RBM47: variants seen among roughly 807,000 people sequenced by gnomAD.
The protein encoded by RBM47 is RNA-binding protein 47.
RBM47 carries 21 observed loss-of-function variants against 47.1 expected under a neutral mutation model. The observed-to-expected ratio is 0.45, with a 90% CI of 0.32 to 0.64. The LOEUF (loss-of-function observed/expected upper bound fraction) is 0.64, where lower values mean the gene tolerates loss of function less well. Ranked by LOEUF, RBM47 falls within the 30% of genes least tolerant of loss-of-function variation. RBM47 has a pLI of 0.05. For synonymous variants in RBM47, 375 were observed against 361.7 expected (o/e 1.04, Z -0.42); for missense variants, 708 against 870.9 (o/e 0.81, Z 2.35).
chr4:40,537,807 G>A (rs896676118), intron 2 of RBM47, among the ~76,000 whole-genome samples: 4 of 151,712 alleles, frequency 2.6e-5, no homozygotes, highest in Admixed American at 6.6e-5. Flanking sequence ...TAAATTCGGC[G>A]CAATTACTCT....
chr4:40,498,722 G>A (rs1722973702), intron 2 of RBM47, among the ~76,000 whole-genome samples: 1 of 150,158 alleles, frequency 6.7e-6, no homozygotes, highest in Non-Finnish European at 1.5e-5. Context: ...GATGTACGAT[G>A]TGCTAGCTTT....
At chr4:40,480,736 C>G (rs2154241403) in intron 2 of RBM47, among the ~76,000 whole-genome samples, 1 of 152,166 alleles carries the variant, frequency 6.6e-6, no homozygotes, top group East Asian at 1.9e-4. Context: ...TATGGCGATC[C>G]CTTTCTGTCT....
At chr4:40,560,822 C>T (rs900431584) in intron 1 of RBM47, among the ~76,000 whole-genome samples, 2 of 151,936 alleles carry the variant, frequency 1.3e-5, no homozygotes, top group Non-Finnish European at 2.9e-5. Flanking sequence ...AAAAATTACC[C>T]AGGCATGGTG....
chr4:40,480,222 T>C (rs1720199936), intron 2 of RBM47, among the ~76,000 whole-genome samples: 1 of 152,038 alleles, frequency 6.6e-6, no homozygotes, highest in African/African-American at 2.4e-5. Flanking sequence ...AGGTGATCCA[T>C]CTGCCTCGGC....
At chr4:40,440,482 G>A (rs551057580) in intron 3 of RBM47, among the ~76,000 whole-genome samples, 5 of 152,174 alleles carry the variant, frequency 3.3e-5, no homozygotes, top group Admixed American at 2.0e-4. Context: ...ATGTATACAA[G>A]AATATTAAGG....
intron 2 of RBM47, among the ~76,000 whole-genome samples, chr4:40,512,831 T>A (rs1288684185): frequency 6.6e-6 from 1 of 151,988 alleles, no homozygotes; most frequent in Non-Finnish European, 1.5e-5. Flanking sequence ...TGGATTCACA[T>A]GGTATGGCTC....
intron 2 of RBM47, among the ~76,000 whole-genome samples, chr4:40,477,300 C>T (rs895576645): frequency 2.6e-5 from 4 of 152,122 alleles, no homozygotes; most frequent in Non-Finnish European, 4.4e-5. Context: ...TAATAGCTAT[C>T]GACAGTGACT....
chr4:40,602,839 A>C (rs557619279), intron 1 of RBM47, among the ~76,000 whole-genome samples: 2 of 152,114 alleles, frequency 1.3e-5, no homozygotes, highest in South Asian at 4.2e-4. Context: ...CCATTTTTTA[A>C]AATATAAACT....
chr4:40,447,748 C>T (rs866427774), intron 3 of RBM47, among the ~76,000 whole-genome samples: 11 of 150,934 alleles, frequency 7.3e-5, no homozygotes, highest in Middle Eastern at 3.4e-3. Context: ...CAGTGGCTCA[C>T]GCCTATAATC....
At chr4:40,547,073 C>T (rs1729109743) in intron 1 of RBM47, among the ~76,000 whole-genome samples, 1 of 152,192 alleles carries the variant, frequency 6.6e-6, no homozygotes, top group Non-Finnish European at 1.5e-5. Context: ...AATTGTGCCT[C>T]AGTGAACAAA....
intron 1 of RBM47, among the ~76,000 whole-genome samples, chr4:40,593,752 C>T (rs1404040644): frequency 2.6e-5 from 4 of 151,896 alleles, no homozygotes; most frequent in Non-Finnish European, 5.9e-5. Context: ...GGCGTGGTGG[C>T]GGGCACCTGT....
intron 3 of RBM47, among the ~76,000 whole-genome samples, chr4:40,442,080 TTTC>T (rs988584511): frequency 3.3e-4 from 51 of 152,336 alleles, no homozygotes; most frequent in African/African-American, 1.2e-3. Context: ...ATTTTTTAGT[TTTC>T]TTCTATTTTT....
At chr4:40,630,731 C>G (rs1007033111), upstream of RBM47, 1 of 152,244 alleles carries the variant, frequency 6.6e-6, no homozygotes, top group Non-Finnish European at 1.5e-5. Context: ...TCCCAATTCC[C>G]AAGAAACCCA....
intron 2 of RBM47, among the ~76,000 whole-genome samples, chr4:40,520,663 A>G (rs1726108382): frequency 6.6e-6 from 1 of 152,218 alleles, no homozygotes; most frequent in African/African-American, 2.4e-5. Flanking sequence ...AGGAATGCCC[A>G]TGAATCATAC....
intron 5 of RBM47, among the ~76,000 whole-genome samples, chr4:40,435,347 G>T (rs1053378095): frequency 4.6e-5 from 7 of 152,068 alleles, no homozygotes; most frequent in African/African-American, 1.7e-4. Context: ...TCAGGAGTTC[G>T]AGAACAGCCT....
At chr4:40,513,792 C>A (rs745888133) in intron 2 of RBM47, among the ~76,000 whole-genome samples, 2 of 151,888 alleles carry the variant, frequency 1.3e-5, no homozygotes, top group Non-Finnish European at 2.9e-5. Flanking sequence ...AATCTTGGCT[C>A]ACTGCAACCT....
chr4:40,437,665 T>C, intron 4 of RBM47, 106 bp downstream of exon 4: 1 of 1,231,416 alleles, frequency 8.1e-7, no homozygotes. Context: ...GGGAGGGCCT[T>C]CAGCACCTAC....
chr4:40,511,264 A>ACAG (rs1288096891), intron 2 of RBM47, among the ~76,000 whole-genome samples: 20 of 152,220 alleles, frequency 1.3e-4, no homozygotes, highest in Admixed American at 1.2e-3. Context: ...TTCAGAAAAG[A>ACAG]CAGCAGGCCT....
At chr4:40,442,487 G>T (rs1038597917) in intron 3 of RBM47, among the ~76,000 whole-genome samples, 2 of 152,114 alleles carry the variant, frequency 1.3e-5, no homozygotes, top group African/African-American at 2.4e-5. Context: ...ATTAAACATA[G>T]AATTACCATT....
Sources: allele counts gnomAD v4.1 joint callset (sites outside exome capture counted in the v4.1 genomes callset), GRCh38; gene constraint gnomAD v4.1.1; transcripts MANE v1.5; gene names NCBI Gene and HGNC (gene_info 2026-07-23, HGNC 2026-07-21).